Variants in ARHGEF3 observed in about 807,000 individuals in gnomAD.
The protein encoded by ARHGEF3 is 59.8 kDA protein.
Under a neutral mutation model 63.2 loss-of-function variants are expected in ARHGEF3, and 28 were observed. The ratio of observed to expected loss-of-function variants is 0.44; its 90% CI spans 0.33 to 0.61. The LOEUF is 0.61. Ranked by LOEUF, ARHGEF3 falls within the 20% of genes least tolerant of loss-of-function variation. ARHGEF3 has a pLI of 0.03. For missense variants in ARHGEF3, 533 were observed against 659.3 expected, an observed-to-expected ratio of 0.81 and a Z score of 2.10; for synonymous variants, 266 against 254.2, an observed-to-expected ratio of 1.05 and a Z score of -0.44.
rs773593509 is a variant in ARHGEF3 at position 57,017,028 on chromosome 3, TCTCTCACACA to T, written c.62+18050_62+18059del. Among the ~76,000 whole-genome samples, 229 of 127,488 alleles carry T rather than the reference TCTCTCACACA, an allele frequency of 1.8e-3. 2 individuals carry two copies. The highest frequency in any genetic ancestry group is 6.1e-3 in the East Asian group (25 of 4,084). 83.6% of individuals were successfully genotyped at this position (127,488 alleles called of 152,430 possible). A position where few individuals can be genotyped will look rare whatever the true frequency, so the allele number is the denominator to read the frequency against. On this transcript the variant is annotated intron_variant, in intron 2 of 12. Coordinates refer to the ARHGEF3 transcript ENST00000338458. ...CTGTCTCTCTCTCTCTCTCTCTCTCTCTCTCACACACACACACACACACACACACACACAC... is the reference window on the plus strand; with the variant it reads ...CTGTCTCTCTCTCTCTCTCTCTCTCTCACACACACACACACACACACACAC...
intron 1 of ARHGEF3, among the ~76,000 whole-genome samples, chr3:56,774,031 T>C (rs2036156908): frequency 1.3e-5 from 2 of 152,120 alleles, no homozygotes; most frequent in Non-Finnish European, 2.9e-5. Context: ...ACAGAGGCAG[T>C]ATCTGGGAAG....
chr3:56,768,941 A>G (rs140111964), intron 2 of ARHGEF3, among the ~76,000 whole-genome samples: 1,684 of 152,340 alleles, frequency 0.011, 32 homozygotes, highest in African/African-American at 0.038. Context: ...AAGGCTGAAT[A>G]GACTGTGAGG....
chr3:56,872,541 T>G (rs1327543615), intron 4 of ARHGEF3, among the ~76,000 whole-genome samples: 1 of 151,478 alleles, frequency 6.6e-6, no homozygotes, highest in Non-Finnish European at 1.5e-5. Flanking sequence ...GATGGAGTCT[T>G]GCTGTGTTGC....
chr3:56,968,529 A>G lies in ARHGEF3; in HGVS notation c.63-9640T>C, dbSNP rs1328182501. Among the ~76,000 whole-genome samples the G allele has an allele frequency of 1.1e-4, 16 of 143,918 alleles. No individual in the cohort carries two copies. The South Asian group carries it at 2.4e-3, about 21-fold the overall frequency. The allele number at this position is 143,918 out of a possible 152,430, so 94.4% of individuals were successfully genotyped here. On this transcript the variant is annotated intron_variant, in intron 2 of 12. Coordinates refer to the ARHGEF3 transcript ENST00000338458. ...TTTTCTGTAGAGACGGGGTCTCCCT[A>G]TGTTGCCCAGGATGGTCTTGAACTC...
chr3:57,016,659 G>A (rs944790905), intron 2 of ARHGEF3, among the ~76,000 whole-genome samples: 4 of 152,080 alleles, frequency 2.6e-5, no homozygotes, highest in African/African-American at 9.7e-5. Context: ...AATAGCTACC[G>A]TTAGGATGGA....
chr3:56,738,826 C>A (rs1222017884), intron 7 of ARHGEF3, among the ~76,000 whole-genome samples: 1 of 152,066 alleles, frequency 6.6e-6, no homozygotes, highest in Non-Finnish European at 1.5e-5. Context: ...CACGGTGGCT[C>A]ATGCCTGTGA....
At chr3:56,915,999 T>C (rs543357993) in intron 3 of ARHGEF3, among the ~76,000 whole-genome samples, 5 of 152,256 alleles carry the variant, frequency 3.3e-5, no homozygotes, top group African/African-American at 7.2e-5. Flanking sequence ...CTTCCCTTTG[T>C]TCCCCTCCAA....
At chr3:56,854,087 G>C (rs1018946230) in intron 4 of ARHGEF3, among the ~76,000 whole-genome samples, 3 of 152,058 alleles carry the variant, frequency 2.0e-5, no homozygotes, top group African/African-American at 7.2e-5. Flanking sequence ...CCCAGCTACT[G>C]GGGAGGCTGA....
At chr3:56,771,503 G>T (rs1415551991) in intron 2 of ARHGEF3, among the ~76,000 whole-genome samples, 1 of 152,222 alleles carries the variant, frequency 6.6e-6, no homozygotes, top group Non-Finnish European at 1.5e-5. Context: ...GCAAGGCAAT[G>T]ACAGAGAGTA....
At chr3:56,748,670 T>G (rs1018271670) in intron 6 of ARHGEF3, among the ~76,000 whole-genome samples, 1 of 151,998 alleles carries the variant, frequency 6.6e-6, no homozygotes, top group Non-Finnish European at 1.5e-5. Flanking sequence ...ATTTCATCAT[T>G]GAAAAAACGT....
chr3:56,952,230 A>T lies in ARHGEF3; in HGVS notation c.129+6593T>A, dbSNP rs576368310. On this transcript the variant is annotated intron_variant, in intron 3 of 12. Coordinates refer to the ARHGEF3 transcript ENST00000338458. ...AGCATGAATGGATGTGGTGTGAGGG[A>T]GATTCTCCATTGCTGACTTTGAAGA... Among the ~76,000 whole-genome samples, 19 of 151,034 alleles carry T rather than the reference A, an allele frequency of 1.3e-4. 1 individual carries two copies. The South Asian group carries it at 3.7e-3, about 30-fold the overall frequency.
intron 1 of ARHGEF3, among the ~76,000 whole-genome samples, chr3:56,793,510 C>T (rs142093735): frequency 0.011 from 1,721 of 151,754 alleles, 26 homozygotes; most frequent in African/African-American, 0.038. Flanking sequence ...ACCATGTTGG[C>T]CAGGCTGGTC....
intron 1 of ARHGEF3, among the ~76,000 whole-genome samples, chr3:57,072,829 G>A (rs1029377895): frequency 2.0e-5 from 3 of 151,972 alleles, no homozygotes; most frequent in Admixed American, 6.6e-5. Flanking sequence ...GGTGGATCAC[G>A]AGGTCAGGAG....
intron 4 of ARHGEF3, among the ~76,000 whole-genome samples, chr3:56,820,954 G>A (rs1452606166): frequency 6.7e-6 from 1 of 150,010 alleles, no homozygotes; most frequent in East Asian, 2.0e-4. Flanking sequence ...AGGAGTTTGA[G>A]ACTAGCCTGG....
intron 3 of ARHGEF3, among the ~76,000 whole-genome samples, chr3:56,931,575 C>CAAAA (rs10596928): frequency 1.7e-5 from 1 of 58,934 alleles, no homozygotes; most frequent in African/African-American, 7.3e-5. Flanking sequence ...GATCCTGTCT[C>CAAAA]AAAAAAAAAA....
At chr3:57,025,149 C>T (rs193214171) in intron 2 of ARHGEF3, among the ~76,000 whole-genome samples, 1 of 152,206 alleles carries the variant, frequency 6.6e-6, no homozygotes, top group East Asian at 1.9e-4. Flanking sequence ...TGTTCTGGAT[C>T]GAAGGAGACT....
chr3:56,803,248 G>C (rs898248217), upstream of ARHGEF3, among the ~76,000 whole-genome samples: 1 of 151,874 alleles, frequency 6.6e-6, no homozygotes, highest in African/African-American at 2.4e-5. Context: ...ATACAGCCTG[G>C]GCAGCAGTGA....
intron 3 of ARHGEF3, among the ~76,000 whole-genome samples, chr3:56,889,270 G>A (rs2041034530): frequency 6.6e-6 from 1 of 152,164 alleles, no homozygotes; most frequent in South Asian, 2.1e-4. Flanking sequence ...GATTCTCTGT[G>A]AAAAGCACTG....
intron 3 of ARHGEF3, among the ~76,000 whole-genome samples, chr3:56,891,879 G>A (rs1252664961): frequency 6.6e-6 from 1 of 152,108 alleles, no homozygotes; most frequent in East Asian, 1.9e-4. Flanking sequence ...ATGTCTAAAA[G>A]TCTACTCATT....
Sources: gnomAD v4.1 joint callset for allele counts (sites outside exome capture counted in the v4.1 genomes callset) on GRCh38, gnomAD v4.1.1 for gene constraint, MANE v1.5 for transcripts, NCBI Gene and HGNC (gene_info 2026-07-23, HGNC 2026-07-21) for gene names.